Variants in CAST observed in about 807,000 individuals in gnomAD.
CAST encodes MIR583 host.
A neutral mutation model predicts 119.6 loss-of-function variants in CAST; 76 were observed. The observed-to-expected ratio is 0.64, with a 90% CI of 0.53 to 0.77. CAST has a LOEUF of 0.77. Ranked by LOEUF, CAST falls within the 30% of genes least tolerant of loss-of-function variation. The pLI, the probability that CAST is intolerant of heterozygous loss-of-function variation, is 0.00. For missense variants in CAST, 953 were observed against 946.5 expected, an observed-to-expected ratio of 1.01 and a Z score of -0.09; for synonymous variants, 319 against 331.6, an observed-to-expected ratio of 0.96 and a Z score of 0.41.
chr5:96,053,887 A>G, the CAST span, among the ~76,000 whole-genome samples: 4 of 152,228 alleles, frequency 2.6e-5, no homozygotes, highest in Admixed American at 2.0e-4. Context: ...TCTCCCACCT[A>G]TGGCATCAGG....
chr5:96,501,202 T>C, the CAST span, among the ~76,000 whole-genome samples: 1 of 152,136 alleles, frequency 6.6e-6, no homozygotes, highest in African/African-American at 2.4e-5. Flanking sequence ...TGAAAAGGCC[T>C]GAGACAACTA....
chr5:96,322,842 T>G, the CAST span, among the ~76,000 whole-genome samples: 1 of 152,206 alleles, frequency 6.6e-6, no homozygotes, highest in African/African-American at 2.4e-5. Flanking sequence ...CCAACTCCAC[T>G]ACTACACTGA....
intron 4 of CAST, 63 bp downstream of exon 4, chr5:96,722,761 ATGTAGACTAAT>A: frequency 8.9e-7 from 1 of 1,117,580 alleles, no homozygotes; most frequent in African/African-American, 1.5e-5. Flanking sequence ...AGCAAAACAA[ATGTAGACTAAT>A]TGTTGATGAT....
At chr5:96,652,394 T>C (rs1748106030) in intron 1 of CAST, among the ~76,000 whole-genome samples, 1 of 152,188 alleles carries the variant, frequency 6.6e-6, no homozygotes, top group Admixed American at 6.5e-5. Flanking sequence ...ACAAAGATAA[T>C]TGGTGTAATA....
the CAST span, among the ~76,000 whole-genome samples, chr5:96,118,952 G>C: frequency 6.6e-6 from 1 of 152,026 alleles, no homozygotes; most frequent in Admixed American, 6.6e-5. Context: ...TCCCTTTGTG[G>C]TACTGGACAT....
chr5:96,720,081 A>G (rs537926962), intron 3 of CAST, among the ~76,000 whole-genome samples: 22 of 152,148 alleles, frequency 1.4e-4, no homozygotes, highest in Admixed American at 3.9e-4. Flanking sequence ...ACGGGCAGGG[A>G]CATGCCTACT....
intron 1 of CAST, among the ~76,000 whole-genome samples, chr5:96,620,595 G>T (rs1226784777): frequency 6.6e-6 from 1 of 152,102 alleles, no homozygotes; most frequent in Non-Finnish European, 1.5e-5. Flanking sequence ...GGTTAAGCTA[G>T]GATGTTCAGT....
chr5:96,310,618 A>G, the CAST span, among the ~76,000 whole-genome samples: 1 of 149,300 alleles, frequency 6.7e-6, no homozygotes. Context: ...TTAACTCATT[A>G]TTGGTTTATT....
At chr5:96,294,650 T>G in the CAST span, among the ~76,000 whole-genome samples, 1 of 152,242 alleles carries the variant, frequency 6.6e-6, no homozygotes, top group Admixed American at 6.5e-5. Flanking sequence ...TTTTTGCAAG[T>G]GTCCAAACCT....
chr5:96,469,207 A>C, the CAST span, among the ~76,000 whole-genome samples: 1 of 152,130 alleles, frequency 6.6e-6, no homozygotes, highest in Admixed American at 6.6e-5. Context: ...ATTTTTAAAT[A>C]GATGGTAAAG....
the CAST span, among the ~76,000 whole-genome samples, chr5:96,474,324 C>A: frequency 5.9e-5 from 9 of 151,952 alleles, no homozygotes; most frequent in Non-Finnish European, 1.2e-4. Flanking sequence ...CTACCAAAAC[C>A]CTAGCCTCTG....
At chr5:96,300,834 ATTTT>A in the CAST span, among the ~76,000 whole-genome samples, 4 of 52,460 alleles carry the variant, frequency 7.6e-5, no homozygotes, top group Non-Finnish European at 1.1e-4. Context: ...ATTCCTAAGC[ATTTT>A]TTTTTTTTTT....
chr5:96,653,376 CA>C (rs1355125561), intron 1 of CAST, among the ~76,000 whole-genome samples: 2 of 152,142 alleles, frequency 1.3e-5, no homozygotes, highest in African/African-American at 4.8e-5. Context: ...CCTAGAAAAA[CA>C]GATGATTAAA....
the CAST span, among the ~76,000 whole-genome samples, chr5:96,436,426 G>C: frequency 6.6e-6 from 1 of 150,856 alleles, no homozygotes; most frequent in African/African-American, 2.4e-5. Context: ...TTTAAATTGA[G>C]AAATCTGAAT....
intron 1 of CAST, among the ~76,000 whole-genome samples, chr5:96,616,308 T>C (rs1181514178): frequency 6.6e-6 from 1 of 152,148 alleles, no homozygotes; most frequent in Non-Finnish European, 1.5e-5. Context: ...AGCATGGAAG[T>C]GATGCTCTGT....
the CAST span, among the ~76,000 whole-genome samples, chr5:96,470,427 A>G: frequency 9.2e-5 from 14 of 152,014 alleles, no homozygotes; most frequent in Non-Finnish European, 2.1e-4. Context: ...AAGCTAAAAT[A>G]ATAATATGTT....
At chr5:96,616,771 C>T (rs1265403486) in intron 1 of CAST, among the ~76,000 whole-genome samples, 3,130 of 151,246 alleles carry the variant, frequency 0.021, 128 homozygotes, top group African/African-American at 0.065. Context: ...CACACACACA[C>T]ACACACACAC....
the CAST span, among the ~76,000 whole-genome samples, chr5:96,055,969 G>T: frequency 3.1e-3 from 466 of 152,066 alleles, 3 homozygotes; most frequent in African/African-American, 0.011. Context: ...AGCCAGTTAT[G>T]TTCCTATTTT....
chr5:96,505,851 C>T, the CAST span, among the ~76,000 whole-genome samples: 7 of 152,326 alleles, frequency 4.6e-5, no homozygotes, highest in South Asian at 6.2e-4. Flanking sequence ...CCTCAGCCTC[C>T]TTCTAACAGC....
Sources: gnomAD v4.1 joint callset for allele counts (sites outside exome capture counted in the v4.1 genomes callset) on GRCh38, gnomAD v4.1.1 for gene constraint, MANE v1.5 for transcripts, NCBI Gene and HGNC (gene_info 2026-07-23, HGNC 2026-07-21) for gene names.